The following ST7L variants were observed in gnomAD, a reference collection of about 807,000 sequenced individuals.
ST7L encodes suppression of tumorigenicity 7 like, also known as suppressor of tumorigenicity 7 protein-like.
A neutral mutation model predicts 72.5 loss-of-function variants in ST7L; 57 were observed. The observed-to-expected ratio is 0.79, with a 90% CI of 0.64 to 0.98. The LOEUF is 0.98. Ranked by LOEUF, ST7L falls within the 50% of genes least tolerant of loss-of-function variation. The pLI is 0.00. For synonymous variants in ST7L, 221 were observed against 240.9 expected (o/e 0.92, Z 0.77); for missense variants, 576 against 672.2 (o/e 0.86, Z 1.58).
At chr1:112,610,207 C>G (rs1213126939) in intron 3 of ST7L, among the ~76,000 whole-genome samples, 1 of 152,058 alleles carries the variant, frequency 6.6e-6, no homozygotes, top group African/African-American at 2.4e-5. Flanking sequence ...GAAGTAGTGA[C>G]CTTACCCCGG....
rs770916817 is a variant in ST7L, at chr1:112,598,025, C to T, written c.568G>A (p.Asp190Asn). Residue 190 changes from aspartate (D) to asparagine (N), a missense_variant, in exon 5 of 15, where the codon GAC (aspartate) becomes AAC (asparagine). By Grantham distance (23) the Asp-to-Asn change is conservative. Transcript: ENST00000358039. ...TCACAGGTGAAAAAGGTCTGATGGT[C>T]CTGAGCTGACAGGTTCATGTCATAG... is the stretch of plus-strand genomic sequence containing the variant. ...TYYDMNLSAQ[D>N]HQTFFTCDTD... is the part of the protein sequence containing the mutation. 2 of 1,613,658 alleles carry T rather than the reference C, an allele frequency of 1.2e-6. No homozygotes were observed. The highest frequency in any genetic ancestry group is 1.1e-5 in the South Asian group (1 of 91,026).
chr1:112,609,020 A>G (rs552234574), intron 3 of ST7L, among the ~76,000 whole-genome samples: 46 of 152,306 alleles, frequency 3.0e-4, no homozygotes, highest in African/African-American at 1.1e-3. Flanking sequence ...AGTGAAAGGA[A>G]CAATAATCCA....
intron 9 of ST7L, among the ~76,000 whole-genome samples, chr1:112,579,552 G>A (rs967770922): frequency 6.6e-5 from 10 of 151,896 alleles, no homozygotes; most frequent in African/African-American, 1.7e-4. Context: ...TGATTCAACC[G>A]AGGGTGATAT....
chr1:112,547,202 T>TC (rs1657230436), intron 13 of ST7L, among the ~76,000 whole-genome samples: 1 of 151,176 alleles, frequency 6.6e-6, no homozygotes, highest in African/African-American at 2.4e-5. Flanking sequence ...TCTTTTTTTT[T>TC]TTTTTTTTGA....
chr1:112,546,904 GTA>G (rs552851709), intron 13 of ST7L, among the ~76,000 whole-genome samples: 191 of 151,684 alleles, frequency 1.3e-3, no homozygotes, highest in African/African-American at 4.4e-3. Flanking sequence ...AGACTTGTAT[GTA>G]TATGTGTTAA....
chr1:112,618,078 T>C, intron 1 of ST7L: 1 of 1,303,832 alleles, frequency 7.7e-7, no homozygotes. Flanking sequence ...TCAACCACCA[T>C]ACTGAATCAT....
chr1:112,533,071 A>G (rs1013301916), intron 14 of ST7L, among the ~76,000 whole-genome samples: 1 of 152,228 alleles, frequency 6.6e-6, no homozygotes, highest in Non-Finnish European at 1.5e-5. Context: ...GTATACATTT[A>G]TACTTCATAT....
chr1:112,590,811 C>T (rs554009486), intron 6 of ST7L, among the ~76,000 whole-genome samples: 1 of 152,094 alleles, frequency 6.6e-6, no homozygotes. Flanking sequence ...ATTTTTAATC[C>T]CCTTCTCATG....
intron 6 of ST7L, 129 bp from the exon 7 acceptor site, chr1:112,584,255 T>C: frequency 1.1e-6 from 1 of 941,046 alleles, no homozygotes. Context: ...AAAAAAAACC[T>C]TCGTTCAATA....
intron 13 of ST7L, among the ~76,000 whole-genome samples, chr1:112,546,651 T>TA (rs1657128662): frequency 6.6e-6 from 1 of 152,226 alleles, no homozygotes; most frequent in African/African-American, 2.4e-5. Flanking sequence ...AATGGCTTTC[T>TA]AGTCCCCAGT....
chr1:112,562,720 G>A (rs1302716823), intron 11 of ST7L, among the ~76,000 whole-genome samples: 1 of 152,156 alleles, frequency 6.6e-6, no homozygotes, highest in African/African-American at 2.4e-5. Context: ...CCCAGAATAT[G>A]AAGGGCTTTT....
rs1653215912 is a variant in ST7L, at chr1:112,525,217, T to TA, written c.*795dup. ...ATGACCTGTGGTTGTTTTTAACTCTTAACTGGGTTAGAAAACTGGAGAGCT... is the reference window on the plus strand; with the variant it reads ...ATGACCTGTGGTTGTTTTTAACTCTTAAACTGGGTTAGAAAACTGGAGAGCT... On this transcript the variant is annotated 3_prime_UTR_variant, in exon 15 of 15. Transcript: ENST00000358039. The TA allele has an allele frequency of 6.6e-6, 1 of 152,234 alleles. No homozygotes were observed. The highest frequency in any genetic ancestry group is 2.4e-5 in the African/African-American group (1 of 41,446). 9.4% of individuals were successfully genotyped at this position (152,234 alleles called of 1,614,324 possible).
At chr1:112,534,768 G>A (rs1401062588) in intron 14 of ST7L, among the ~76,000 whole-genome samples, 2 of 152,240 alleles carry the variant, frequency 1.3e-5, no homozygotes, top group Admixed American at 1.3e-4. Flanking sequence ...AATGGGTTTC[G>A]AATGAGTGAT....
chr1:112,520,072 ATGT>A (rs71584742), downstream of ST7L, among the ~76,000 whole-genome samples: 27,052 of 151,686 alleles, frequency 0.18, 3,013 homozygotes, highest in East Asian at 0.46. Flanking sequence ...AGGGCTTGCT[ATGT>A]TTCCCAGGCT....
intron 4 of ST7L, among the ~76,000 whole-genome samples, chr1:112,598,608 GACTC>G (rs1221991927): frequency 4.0e-5 from 6 of 149,950 alleles, no homozygotes; most frequent in Non-Finnish European, 5.9e-5. Flanking sequence ...AAAAAAAAAA[GACTC>G]AGTAAAACGA....
intron 11 of ST7L, among the ~76,000 whole-genome samples, chr1:112,568,729 G>A (rs758854033): frequency 2.9e-4 from 43 of 149,594 alleles, no homozygotes; most frequent in Non-Finnish European, 4.6e-4. Flanking sequence ...ACAAATTTAG[G>A]CCAGGCACAG....
intron 2 of ST7L, among the ~76,000 whole-genome samples, chr1:112,611,366 C>CT (rs1208810703): frequency 6.6e-6 from 1 of 152,186 alleles, no homozygotes; most frequent in Non-Finnish European, 1.5e-5. Flanking sequence ...AGTGGATGAA[C>CT]AGACTAGACT....
chr1:112,556,542 T>G (rs1464424887), intron 11 of ST7L, among the ~76,000 whole-genome samples: 1 of 152,204 alleles, frequency 6.6e-6, no homozygotes, highest in Non-Finnish European at 1.5e-5. Context: ...TCCTATTTAC[T>G]AAGTTCAAAG....
At position 112,572,174 on chromosome 1, in the gene ST7L, C is replaced by T. The variant is rs1662245594; in HGVS notation, c.1245+4812G>A. On this transcript the variant is annotated intron_variant, in intron 11 of 14. Coordinates refer to ENST00000358039, the MANE Select transcript of ST7L (RefSeq NM_017744.5). ...GGCCTAAAATAGTGTTTAAACCATG[C>T]TATAAACAGATGTGCTGTCATCCAG... Among the ~76,000 whole-genome samples the T allele has an allele frequency of 2.6e-5, 4 of 152,162 alleles. No individual in the cohort carries two copies. In the South Asian group the frequency reaches 6.2e-4, roughly 24 times the overall value.
Sources: gnomAD v4.1 joint callset for allele counts (sites outside exome capture counted in the v4.1 genomes callset) on GRCh38, gnomAD v4.1.1 for gene constraint, MANE v1.5 for transcripts, NCBI Gene and HGNC (gene_info 2026-07-23, HGNC 2026-07-21) for gene names.